FANCA: variants seen among roughly 807,000 people sequenced by gnomAD.
FANCA encodes the protein Fanconi anemia group A protein.
Under a neutral mutation model 194.3 loss-of-function variants are expected in FANCA, and 236 were observed. That is an observed-to-expected ratio of 1.21 (90% CI 1.09 to 1.35). The LOEUF (loss-of-function observed/expected upper bound fraction) is 1.35, where lower values mean the gene tolerates loss of function less well. Ranked by LOEUF, FANCA falls within the 40% of genes most tolerant of loss-of-function variation. The pLI, the probability that FANCA is intolerant of heterozygous loss-of-function variation, is 0.00. For missense variants in FANCA, 2,628 were observed against 1,813.9 expected (o/e 1.45, Z -8.15); for synonymous variants, 1,014 against 715.8 (o/e 1.42, Z -6.65).
Position 89,769,892 on chromosome 16 carries a change from G to C in FANCA, c.2449C>G (p.Leu817Val). ...CTACAGGTCAGGAGGCTGTCAAAGA[G>C]CGCAGGGACAGGAAGGCCAGCACCA... ...APGAGLPVPA[L>V]FDSLLTCRTR... The change falls in exon 26 of 43, where the codon CTC (leucine) becomes GTC (valine). Residue 817 changes from leucine (L) to valine (V), a missense_variant. Leu to Val is a conservative substitution (Grantham distance 32, BLOSUM62 1). Coordinates refer to ENST00000389301, the MANE Select transcript of FANCA (RefSeq NM_000135.4). 2 of 1,614,118 alleles carry C rather than the reference G, an allele frequency of 1.2e-6. No homozygotes were observed. The highest frequency in any genetic ancestry group is 1.7e-6 in the Non-Finnish European group (2 of 1,180,024).
intron 5 of FANCA, among the ~76,000 whole-genome samples, chr16:89,809,782 G>A (rs554057332): frequency 1.3e-5 from 2 of 152,132 alleles, no homozygotes; most frequent in East Asian, 3.9e-4. Context: ...GAACCCGGGA[G>A]GCGGACGTTG....
At chr16:89,786,852 A>T (rs913498655) in intron 14 of FANCA, among the ~76,000 whole-genome samples, 1 of 152,122 alleles carries the variant, frequency 6.6e-6, no homozygotes, top group African/African-American at 2.4e-5. Context: ...TTCTCAAAAC[A>T]TCAGCACCCA....
chr16:89,811,567 A>C (rs11076631), intron 3 of FANCA, among the ~76,000 whole-genome samples: 1 of 151,890 alleles, frequency 6.6e-6, no homozygotes, highest in Non-Finnish European at 1.5e-5. Context: ...CTCAGTCCGC[A>C]GGCCACCAAG....
intron 30 of FANCA, among the ~76,000 whole-genome samples, chr16:89,752,708 C>G (rs17227008): frequency 9.9e-5 from 15 of 152,274 alleles, no homozygotes; most frequent in African/African-American, 3.6e-4. Context: ...TGAGGTGTGA[C>G]CAGAAGACAA....
chr16:89,791,364 A>C, intron 14 of FANCA, 39 bp downstream of exon 14: 1 of 1,610,262 alleles, frequency 6.2e-7, no homozygotes, highest in Non-Finnish European at 8.5e-7. Flanking sequence ...GCCTTCTGGG[A>C]AGATCAGGTA....
intron 20 of FANCA, among the ~76,000 whole-genome samples, chr16:89,777,445 G>C (rs2039547123): frequency 6.6e-6 from 1 of 152,046 alleles, no homozygotes; most frequent in South Asian, 2.1e-4. Flanking sequence ...AATTATTTTT[G>C]CAGAGCATGG....
At chr16:89,772,672 A>G (rs2039364651) in intron 22 of FANCA, among the ~76,000 whole-genome samples, 1 of 151,982 alleles carries the variant, frequency 6.6e-6, no homozygotes, top group Admixed American at 6.6e-5. Flanking sequence ...ACAAAAAATT[A>G]GCCAGACATG....
chr16:89,749,236 A>T (rs1347200638), intron 32 of FANCA, among the ~76,000 whole-genome samples: 1 of 152,132 alleles, frequency 6.6e-6, no homozygotes, highest in Non-Finnish European at 1.5e-5. Flanking sequence ...TTGTTGAGAC[A>T]GAGTCTCGCT....
At chr16:89,769,587 A>G (rs1213330689) in intron 26 of FANCA, 1 of 555,366 alleles carries the variant, frequency 1.8e-6, no homozygotes, top group Non-Finnish European at 3.2e-6. Flanking sequence ...CGATATAGAC[A>G]GTTACTATCT....
chr16:89,791,991 C>A lies in FANCA; in HGVS notation c.1161G>T (p.Gln387His), dbSNP rs767770641. Residue 387 changes from glutamine (Q) to histidine (H), a missense_variant, in exon 13 of 43, where the codon CAG becomes CAT. Gln to His is a conservative substitution (Grantham distance 24). Coordinates refer to ENST00000389301, the MANE Select transcript of FANCA (RefSeq NM_000135.4). ...GGGCAGACACAAAGGAGAGCACTCT[C>A]TGCCAGTGAACCTCCTGCGTTTCCA... ...EVLETQEVHW[Q>H]RVLSFVSALV... is the part of the protein sequence containing the mutation. 1.2e-6 allele frequency: 2 copies of A among 1,614,216 alleles called. No homozygotes were observed. Among genetic ancestry groups the A allele is most frequent in the Admixed American group, 3.3e-5 (2 of 60,018 alleles).
intron 37 of FANCA, among the ~76,000 whole-genome samples, chr16:89,741,748 G>C (rs2062138687): frequency 2.0e-5 from 3 of 152,122 alleles, no homozygotes. Context: ...GCTGCCTCTT[G>C]TCCCCAGCAC....
intron 4 of FANCA, 45 bp downstream of exon 4, chr16:89,810,884 A>T: frequency 6.2e-7 from 1 of 1,614,098 alleles, no homozygotes; most frequent in Non-Finnish European, 8.5e-7. Context: ...CAACCAGCTT[A>T]AAAGTAACAA....
At chr16:89,750,025 G>A (rs1182385076) in intron 31 of FANCA, 123 bp from the exon 32 acceptor site, 1 of 956,544 alleles carries the variant, frequency 1.0e-6, no homozygotes, top group Non-Finnish European at 1.7e-6. Flanking sequence ...AGGAACAAGT[G>A]GGGCAAGCTA....
At chr16:89,794,855 C>T (rs974327759) in intron 11 of FANCA, among the ~76,000 whole-genome samples, 3 of 152,146 alleles carry the variant, frequency 2.0e-5, no homozygotes, top group South Asian at 4.1e-4. Context: ...CCATCAAACA[C>T]GCCACCGAGT....
chr16:89,747,472 G>A (rs563914057), intron 33 of FANCA, among the ~76,000 whole-genome samples: 2 of 152,264 alleles, frequency 1.3e-5, no homozygotes, highest in East Asian at 1.9e-4. Flanking sequence ...AGGCCAAGGC[G>A]GGTGGATCAC....
Position 89,764,873 on chromosome 16 carries a change from A to G in FANCA, c.2778+17T>C. On this transcript the variant is annotated intron_variant, in intron 28 of 42. Transcript: ENST00000389301. ...CTCAGGACGTGGCATGATGCAGGAG[A>G]AGGAACGGTCACCTACGTGAACATC... The G allele has an allele frequency of 6.2e-7, 1 of 1,613,354 alleles. No individual in the cohort carries two copies. Among genetic ancestry groups the G allele is most frequent in the Non-Finnish European group, 8.5e-7 (1 of 1,179,564 alleles).
chr16:89,810,483 TAATA>T, intron 5 of FANCA: 1 of 547,980 alleles, frequency 1.8e-6, no homozygotes, highest in Non-Finnish European at 3.3e-6. Context: ...TATTCTAGTC[TAATA>T]AATATTACTA....
rs1366499749 is a variant in FANCA at position 89,778,574 on chromosome 16, G to A, written c.1826+227C>T. 4.0e-5 allele frequency: 20 copies of A among 497,546 alleles called. No individual in the cohort carries two copies. The East Asian group carries it at 6.6e-4, about 16-fold the overall frequency. 30.8% of individuals were successfully genotyped at this position (497,546 alleles called of 1,614,324 possible). ...ACCTAAGATGTGGAGGTTGCAGTGA[G>A]CCAAGATCTCGCCTCTGCACTCCAA... On this transcript the variant is annotated intron_variant, in intron 20 of 42. Transcript: ENST00000389301.
chr16:89,770,512 G>A, intron 24 of FANCA, 52 bp downstream of exon 24: 2 of 1,522,658 alleles, frequency 1.3e-6, no homozygotes, highest in Non-Finnish European at 9.0e-7. Flanking sequence ...GGCCCAGCAA[G>A]AGGTGGCACC....
Sources: allele counts gnomAD v4.1 joint callset (sites outside exome capture counted in the v4.1 genomes callset), GRCh38; gene constraint gnomAD v4.1.1; transcripts MANE v1.5; gene names NCBI Gene and HGNC (gene_info 2026-07-23, HGNC 2026-07-21).